ABHD12B: variants seen among roughly 807,000 people sequenced by gnomAD.
ABHD12B encodes protein ABHD12B.
ABHD12B carries 42 observed loss-of-function variants against 50.4 expected under a neutral mutation model. The observed-to-expected ratio is 0.83, with a 90% CI of 0.65 to 1.08. The LOEUF (loss-of-function observed/expected upper bound fraction) is 1.08, where lower values mean the gene tolerates loss of function less well. ABHD12B is among the 50% of genes least tolerant of loss of function. The pLI is 0.00. For synonymous variants in ABHD12B, 167 were observed against 160.3 expected, an observed-to-expected ratio of 1.04 and a Z score of -0.32; for missense variants, 479 against 447.7, an observed-to-expected ratio of 1.07 and a Z score of -0.63.
At chr14:50,897,430 C>T (rs2050212255) in intron 9 of ABHD12B, among the ~76,000 whole-genome samples, 1 of 152,156 alleles carries the variant, frequency 6.6e-6, no homozygotes, top group African/African-American at 2.4e-5. Context: ...ATAAAATGTC[C>T]ACCTTTTTTG....
rs962470375 is a variant in ABHD12B, at chr14:50,885,895, G to T, written c.662G>T (p.Gly221Val). ...CTCTGGGGCCACTCTCTGGGTACAG[G>T]GTAAGTGAGATCTGCAAATGTGTCC... is the stretch of plus-strand genomic sequence containing the variant. ...VCLWGHSLGT[G>V]VATNAAKVLE... The change falls in exon 7 of 13, where the codon GGA becomes GTA. Residue 221 changes from glycine to valine, a missense_variant and splice_region_variant. By Grantham distance (109) the Gly-to-Val change is moderately radical. Transcript: ENST00000337334. The T allele has an allele frequency of 1.1e-5, 17 of 1,613,854 alleles. No individual in the cohort carries two copies. The highest frequency in any genetic ancestry group is 1.4e-5 in the Non-Finnish European group (16 of 1,180,018).
At chr14:50,877,725 G>A (rs982446986) in intron 1 of ABHD12B, among the ~76,000 whole-genome samples, 1 of 152,204 alleles carries the variant, frequency 6.6e-6, no homozygotes, top group African/African-American at 2.4e-5. Flanking sequence ...AAATTAGCCA[G>A]GCATGGTGGT....
intron 9 of ABHD12B, among the ~76,000 whole-genome samples, chr14:50,889,282 GA>G (rs1404037927): frequency 6.6e-6 from 1 of 152,266 alleles, no homozygotes; most frequent in East Asian, 1.9e-4. Flanking sequence ...AGTTTCTAGA[GA>G]ATTTAAGAAA....
chr14:50,903,427 GA>G lies in ABHD12B; in HGVS notation c.903del (p.Glu302ArgfsTer49). On this transcript the variant is annotated frameshift_variant, in exon 11 of 13. Transcript: ENST00000337334. LOFTEE classifies it high-confidence loss of function. ...TCTTCTCCTCTTCTCATCTTACATGGAGAGGATGACAGGACAGTGCCTTTGG... is the reference window on the plus strand; with the variant it reads ...TCTTCTCCTCTTCTCATCTTACATGGGAGGATGACAGGACAGTGCCTTTGG... ...FLSSPLLILHGEDDRTVPLEY... is the reference protein window; with the variant it reads ...FLSSPLLILHXEDDRTVPLEY... The G allele has an allele frequency of 6.2e-7, 1 of 1,612,740 alleles. No individual in the cohort carries two copies. The highest frequency in any genetic ancestry group is 8.5e-7 in the Non-Finnish European group (1 of 1,179,130).
At chr14:50,885,041 G>A (rs1034825239) in intron 5 of ABHD12B, among the ~76,000 whole-genome samples, 1 of 152,018 alleles carries the variant, frequency 6.6e-6, no homozygotes, top group Non-Finnish European at 1.5e-5. Flanking sequence ...GACTATTATT[G>A]TTTCTCACTT....
intron 9 of ABHD12B, chr14:50,892,958 A>AT (rs1335395433): frequency 2.0e-5 from 3 of 152,030 alleles, no homozygotes; most frequent in African/African-American, 4.8e-5. Context: ...ATTTTTATTG[A>AT]TTTTTACCTT....
intron 9 of ABHD12B, chr14:50,891,431 G>C (rs1054769149): frequency 6.6e-6 from 1 of 152,356 alleles, no homozygotes. Context: ...TTTTAGTAGA[G>C]ACGGGGTTTC....
At position 50,875,609 on chromosome 14, in the gene ABHD12B, T is replaced by C. The variant is rs1009553236; in HGVS notation, c.105-2343T>C. Among the ~76,000 whole-genome samples, 6 of 152,290 alleles carry C rather than the reference T, an allele frequency of 3.9e-5. No individual in the cohort carries two copies. The South Asian group carries it at 1.2e-3, about 32-fold the overall frequency. On this transcript the variant is annotated intron_variant, in intron 1 of 12. Coordinates refer to ENST00000337334, the MANE Select transcript of ABHD12B (RefSeq NM_001206673.2). ...GATGTGGCTGGCCGTTAGCGGGGAT[T>C]GGGCTGAAACTGCATCCTCTGCTCA... is the stretch of plus-strand genomic sequence containing the variant.
chr14:50,874,999 A>G (rs2049841653), intron 1 of ABHD12B, among the ~76,000 whole-genome samples: 1 of 152,190 alleles, frequency 6.6e-6, no homozygotes, highest in African/African-American at 2.4e-5. Context: ...TTTTCAACCT[A>G]TGCGTCAATA....
At chr14:50,880,311 A>T (rs1272844891) in intron 3 of ABHD12B, 141 bp from the exon 4 acceptor site, 1 of 914,820 alleles carries the variant, frequency 1.1e-6, no homozygotes, top group African/African-American at 1.7e-5. Context: ...GTGGTGTTAG[A>T]TTTTTATTTT....
At chr14:50,892,471 G>T in intron 9 of ABHD12B, 1 of 985,416 alleles carries the variant, frequency 1.0e-6, no homozygotes, top group South Asian at 4.7e-5. Context: ...GCTAAGGTAG[G>T]CAGTGGAGGA....
chr14:50,895,387 C>G (rs1299227003), intron 9 of ABHD12B, among the ~76,000 whole-genome samples: 17 of 151,968 alleles, frequency 1.1e-4, no homozygotes, highest in Admixed American at 3.3e-4. Flanking sequence ...AACTTCCAAA[C>G]GCCTGAACCG....
intron 9 of ABHD12B, among the ~76,000 whole-genome samples, chr14:50,894,383 A>AC (rs971281905): frequency 6.8e-5 from 10 of 147,202 alleles, no homozygotes; most frequent in Admixed American, 2.0e-4. Flanking sequence ...GAGGGCAAGA[A>AC]CCCCCCCACC....
At chr14:50,882,316 A>T (rs1483628055) in intron 5 of ABHD12B, among the ~76,000 whole-genome samples, 1 of 151,698 alleles carries the variant, frequency 6.6e-6, no homozygotes, top group African/African-American at 2.4e-5. Flanking sequence ...CACTCCTTTT[A>T]AAAGAATCAA....
intron 9 of ABHD12B, among the ~76,000 whole-genome samples, chr14:50,894,415 T>G (rs2050165657): frequency 1.3e-5 from 2 of 151,846 alleles, no homozygotes; most frequent in Admixed American, 6.6e-5. Context: ...TCTCTACTCT[T>G]TTCTCTGGGC....
At chr14:50,891,573 A>G (rs1395229018) in intron 9 of ABHD12B, 1 of 152,212 alleles carries the variant, frequency 6.6e-6, no homozygotes, top group Non-Finnish European at 1.5e-5. Context: ...TTTAATGTGG[A>G]CCAATTTACC....
chr14:50,894,639 T>C lies in ABHD12B; in HGVS notation c.780+5736T>C, dbSNP rs566647547. ...CTTTGAATTTTTCCATCCTGCAAGA[T>C]CTAAATAATTCTTGTTGTAAAATAG... On this transcript the variant is annotated intron_variant, in intron 9 of 12. Transcript: ENST00000337334. Among the ~76,000 whole-genome samples, 657 of 152,102 alleles carry C rather than the reference T, an allele frequency of 4.3e-3. 6 individuals carry two copies. Among genetic ancestry groups the C allele is most frequent in the Non-Finnish European group, 4.4e-3 (301 of 68,036 alleles).
intron 8 of ABHD12B, among the ~76,000 whole-genome samples, chr14:50,888,551 A>G (rs2050073500): frequency 6.6e-6 from 1 of 152,016 alleles, no homozygotes; most frequent in Non-Finnish European, 1.5e-5. Flanking sequence ...TTCTTAGAAG[A>G]AGGTAGTGGT....
chr14:50,887,598 C>G (rs931526118), intron 8 of ABHD12B, among the ~76,000 whole-genome samples: 77 of 152,000 alleles, frequency 5.1e-4, no homozygotes, highest in Non-Finnish European at 8.8e-4. Context: ...AAGGGCTACA[C>G]ATGGCTTATG....
Sources: gnomAD v4.1 joint callset for allele counts (sites outside exome capture counted in the v4.1 genomes callset) on GRCh38, gnomAD v4.1.1 for gene constraint, MANE v1.5 for transcripts, NCBI Gene and HGNC (gene_info 2026-07-23, HGNC 2026-07-21) for gene names.